Variants in ATP8B4 observed in about 807,000 individuals in gnomAD.
ATP8B4 encodes ATPase phospholipid transporting 8B4 (putative).
ATP8B4 carries 133 observed loss-of-function variants against 145.6 expected under a neutral mutation model. The observed-to-expected ratio is 0.91, with a 90% CI of 0.79 to 1.05. The LOEUF is 1.05. ATP8B4 is among the 50% of genes least tolerant of loss of function. The pLI, the probability that ATP8B4 is intolerant of heterozygous loss-of-function variation, is 0.00. For synonymous variants in ATP8B4, 507 were observed against 492.9 expected, an observed-to-expected ratio of 1.03 and a Z score of -0.38; for missense variants, 1,458 against 1,425.2, an observed-to-expected ratio of 1.02 and a Z score of -0.37.
At chr15:49,892,445 T>C (rs1277694851) in intron 23 of ATP8B4, among the ~76,000 whole-genome samples, 3 of 152,322 alleles carry the variant, frequency 2.0e-5, no homozygotes, top group Admixed American at 2.0e-4. Flanking sequence ...CTAGAGTTAA[T>C]TATTAAAATG....
intron 3 of ATP8B4, among the ~76,000 whole-genome samples, chr15:50,053,673 C>T (rs960720102): frequency 1.3e-5 from 2 of 152,004 alleles, no homozygotes; most frequent in Non-Finnish European, 2.9e-5. Flanking sequence ...AACAGAAGCA[C>T]AGTGGCCAAA....
chr15:49,884,655 C>A (rs1330200716), intron 23 of ATP8B4, among the ~76,000 whole-genome samples: 3 of 148,036 alleles, frequency 2.0e-5, no homozygotes, highest in Non-Finnish European at 4.5e-5. Context: ...AAGGCTTTTT[C>A]CCTCACCTTG....
At chr15:49,920,137 C>T (rs1327923206) in intron 18 of ATP8B4, 109 bp downstream of exon 18, 5 of 1,356,510 alleles carry the variant, frequency 3.7e-6, no homozygotes, top group Admixed American at 4.1e-5. Flanking sequence ...GAAAGAGAAA[C>T]ATCTGCTGTG....
chr15:49,897,637 T>C (rs2037553719), intron 22 of ATP8B4, 122 bp from the exon 23 acceptor site: 3 of 791,824 alleles, frequency 3.8e-6, no homozygotes, highest in African/African-American at 3.5e-5. Context: ...TTTTCACATA[T>C]ATTATCTGAT....
intron 16 of ATP8B4, among the ~76,000 whole-genome samples, chr15:49,926,578 C>G (rs2040745154): frequency 6.6e-6 from 1 of 152,086 alleles, no homozygotes; most frequent in African/African-American, 2.4e-5. Context: ...ACATATAGAG[C>G]TTATTAACAG....
chr15:50,145,901 G>C lies in ATP8B4; in HGVS notation c.-43+36360C>G, dbSNP rs2044269753. 2.0e-5 allele frequency among the ~76,000 whole-genome samples: 3 copies of C among 151,888 alleles called. No homozygotes were observed. The South Asian group carries it at 6.2e-4, about 32-fold the overall frequency. On this transcript the variant is annotated intron_variant, in intron 1 of 3. Coordinates refer to the ATP8B4 transcript ENST00000558829. ...AGAAAGGATTAACCAGAAACTAATG[G>C]GATTGATTACCTAAAGCAAAAGGAT...
intron 1 of ATP8B4, among the ~76,000 whole-genome samples, chr15:50,141,903 G>C (rs932693299): frequency 2.0e-5 from 3 of 152,206 alleles, no homozygotes; most frequent in African/African-American, 7.2e-5. Context: ...ACAGCACTGT[G>C]AGAGAGGTGT....
intron 17 of ATP8B4, chr15:49,922,540 G>C: frequency 3.2e-6 from 1 of 315,090 alleles, no homozygotes; most frequent in East Asian, 8.7e-5. Context: ...TTGTTTATTT[G>C]CTTTTTAAAG....
intron 5 of ATP8B4, among the ~76,000 whole-genome samples, chr15:50,043,061 T>C (rs1368196967): frequency 6.6e-6 from 1 of 152,224 alleles, no homozygotes; most frequent in East Asian, 1.9e-4. Context: ...AAGAAAACCA[T>C]TTTAAAGATA....
chr15:49,910,150 C>G (rs1265104471), intron 20 of ATP8B4, among the ~76,000 whole-genome samples: 1 of 151,796 alleles, frequency 6.6e-6, no homozygotes. Context: ...AGGTAGATAT[C>G]ATAACGAAGA....
At chr15:49,868,554 T>C (rs370348445) in intron 25 of ATP8B4, among the ~76,000 whole-genome samples, 2 of 152,296 alleles carry the variant, frequency 1.3e-5, no homozygotes, top group East Asian at 1.9e-4. Context: ...AGTAATAATG[T>C]ATGAGGGCAG....
chr15:50,029,808 G>A (rs1273188690), intron 6 of ATP8B4, among the ~76,000 whole-genome samples: 1 of 152,188 alleles, frequency 6.6e-6, no homozygotes, highest in South Asian at 2.1e-4. Flanking sequence ...TGGGTAGCAA[G>A]ATCAAGGGTG....
chr15:49,887,249 T>A (rs2036299439), intron 23 of ATP8B4, among the ~76,000 whole-genome samples: 1 of 151,962 alleles, frequency 6.6e-6, no homozygotes, highest in Non-Finnish European at 1.5e-5. Context: ...AAGGCCCCCT[T>A]CTGGTGACTA....
intron 2 of ATP8B4, among the ~76,000 whole-genome samples, chr15:50,082,323 G>A (rs1192153159): frequency 6.6e-6 from 1 of 152,146 alleles, no homozygotes; most frequent in East Asian, 1.9e-4. Context: ...GTGGTGACCT[G>A]CGGCTTCTGG....
At chr15:50,002,075 G>A in intron 8 of ATP8B4, 78 bp downstream of exon 8, 1 of 1,202,082 alleles carries the variant, frequency 8.3e-7, no homozygotes, top group South Asian at 1.3e-5. Flanking sequence ...TACTGAACAA[G>A]GTTAAGTCTT....
chr15:49,876,695 T>C (rs2034486280), intron 24 of ATP8B4, 172 bp from the exon 25 acceptor site: 1 of 947,868 alleles, frequency 1.1e-6, no homozygotes, highest in Non-Finnish European at 1.6e-6. Flanking sequence ...AACCAGAAGA[T>C]AATAAAATGA....
chr15:50,028,345 G>A (rs1348504742), intron 6 of ATP8B4, among the ~76,000 whole-genome samples: 1 of 152,194 alleles, frequency 6.6e-6, no homozygotes, highest in Non-Finnish European at 1.5e-5. Flanking sequence ...ATGGAATAAG[G>A]AAATAGATCT....
At chr15:49,879,550 G>T in intron 23 of ATP8B4, 91 bp from the exon 24 acceptor site, 1 of 1,142,596 alleles carries the variant, frequency 8.8e-7, no homozygotes, top group Non-Finnish European at 1.2e-6. Context: ...TTTCTGAGGT[G>T]GGTGGGAGTT....
chr15:49,960,390 A>T (rs1470067456), intron 14 of ATP8B4, among the ~76,000 whole-genome samples: 1 of 152,244 alleles, frequency 6.6e-6, no homozygotes, highest in Non-Finnish European at 1.5e-5. Flanking sequence ...TCAAAAATTC[A>T]GTAATAGACC....
Sources: gnomAD v4.1 joint callset for allele counts (sites outside exome capture counted in the v4.1 genomes callset) on GRCh38, gnomAD v4.1.1 for gene constraint, MANE v1.5 for transcripts, NCBI Gene and HGNC (gene_info 2026-07-23, HGNC 2026-07-21) for gene names.